Variants in CATSPERD observed in about 807,000 individuals in gnomAD.
The protein encoded by CATSPERD is cation channel sperm-associated auxiliary subunit delta.
In CATSPERD, 86 loss-of-function variants were observed where a neutral mutation model predicts 98.1. The observed-to-expected ratio is 0.88, with a 90% CI of 0.74 to 1.05. The LOEUF is 1.05. CATSPERD is among the 50% of genes least tolerant of loss of function. The pLI is 0.00. For synonymous variants in CATSPERD, 394 were observed against 390.2 expected (o/e 1.01, Z -0.12); for missense variants, 995 against 1,005.7 (o/e 0.99, Z 0.14).
At position 5,748,169 on chromosome 19, in the gene CATSPERD, T is replaced by C; in HGVS notation, c.818T>C (p.Val273Ala). ...LLFSHNAGQLVDTVRVKKGDQ... is the reference protein window; with the variant it reads ...LLFSHNAGQLADTVRVKKGDQ... ...TCCTGTTACCTCCTAGGTCAGCTCG[T>C]CGACACCGTCCGGGTGAAAAAAGGA... The change falls in exon 10 of 22, where the codon GTC (valine) becomes GCC (alanine). Residue 273 changes from valine to alanine, a missense_variant. Physicochemically the swap from Val to Ala is moderately conservative, Grantham distance 64. Coordinates refer to ENST00000381624, the MANE Select transcript of CATSPERD (RefSeq NM_152784.4). 1.2e-6 allele frequency: 2 copies of C among 1,613,896 alleles called. No individual in the cohort carries two copies. The highest frequency in any genetic ancestry group is 1.7e-6 in the Non-Finnish European group (2 of 1,179,916).
chr19:5,754,849 T>TC (rs1175718839), intron 13 of CATSPERD, among the ~76,000 whole-genome samples: 47 of 146,748 alleles, frequency 3.2e-4, no homozygotes, highest in Admixed American at 2.3e-3. Context: ...TTCTTCTTCT[T>TC]TTTTTTTTTT....
chr19:5,752,889 G>A (rs982898584), intron 12 of CATSPERD, among the ~76,000 whole-genome samples: 13 of 151,946 alleles, frequency 8.6e-5, no homozygotes, highest in South Asian at 8.3e-4. Context: ...TTAGATGGGC[G>A]TGCTGGCACA....
At chr19:5,727,910 G>A (rs543127534) in intron 3 of CATSPERD, among the ~76,000 whole-genome samples, 30 of 151,976 alleles carry the variant, frequency 2.0e-4, no homozygotes, top group African/African-American at 7.0e-4. Flanking sequence ...GGGACTGGAG[G>A]CCAGGTGCAG....
chr19:5,754,884 G>A (rs544236547), intron 13 of CATSPERD, among the ~76,000 whole-genome samples: 33 of 138,454 alleles, frequency 2.4e-4, no homozygotes, highest in Non-Finnish European at 4.4e-4. Flanking sequence ...TTGCTCTGTC[G>A]CCCAGGCTGG....
chr19:5,724,848 C>A lies in CATSPERD; in HGVS notation c.112C>A (p.Gln38Lys). 6.2e-7 allele frequency: 1 copy of A among 1,614,044 alleles called. No individual in the cohort carries two copies. The highest frequency in any genetic ancestry group is 8.5e-7 in the Non-Finnish European group (1 of 1,179,906). The change falls in exon 2 of 22, where the codon CAG becomes AAG. Residue 38 changes from glutamine to lysine, a missense_variant. By Grantham distance (53) the Gln-to-Lys change is moderately conservative. Coordinates refer to ENST00000381624, the MANE Select transcript of CATSPERD (RefSeq NM_152784.4). ...GACAGGAAAAGTGTTTAATCTGATACAGGACGTTCAAGGGGTATGTGGCTC... is the reference window on the plus strand; with the variant it reads ...GACAGGAAAAGTGTTTAATCTGATAAAGGACGTTCAAGGGGTATGTGGCTC... Reference protein sequence around the residue: ...VRTGKVFNLIQDVQGDRLYFH... With the variant: ...VRTGKVFNLIKDVQGDRLYFH...
chr19:5,728,084 G>T (rs368883151), intron 3 of CATSPERD, among the ~76,000 whole-genome samples: 1 of 150,576 alleles, frequency 6.6e-6, no homozygotes, highest in East Asian at 2.0e-4. Context: ...GGTGGGCCAG[G>T]CGCAGTGGCT....
chr19:5,763,847 C>CATTTTTT, intron 16 of CATSPERD, among the ~76,000 whole-genome samples: 1 of 62,136 alleles, frequency 1.6e-5, no homozygotes, highest in African/African-American at 5.2e-5. Flanking sequence ...TCTTGAACTC[C>CATTTTTT]TTTTTTTTTT....
At chr19:5,725,365 G>A (rs1036172124) in intron 2 of CATSPERD, among the ~76,000 whole-genome samples, 1 of 152,184 alleles carries the variant, frequency 6.6e-6, no homozygotes, top group South Asian at 2.1e-4. Flanking sequence ...TGCCCAGGCT[G>A]GTCTCGAGCT....
At chr19:5,762,060 T>TA (rs1568367069) in intron 15 of CATSPERD, among the ~76,000 whole-genome samples, 3 of 12,084 alleles carry the variant, frequency 2.5e-4, no homozygotes, top group African/African-American at 9.6e-4. Flanking sequence ...ATATATATAT[T>TA]TTTTTTTTTT....
intron 15 of CATSPERD, among the ~76,000 whole-genome samples, chr19:5,760,348 G>A (rs1195259761): frequency 6.6e-6 from 1 of 150,798 alleles, no homozygotes; most frequent in Non-Finnish European, 1.5e-5. Context: ...TCAGTGAGCC[G>A]AGATTGCGCC....
At chr19:5,771,580 G>GT (rs2056644708) in intron 19 of CATSPERD, among the ~76,000 whole-genome samples, 1 of 149,096 alleles carries the variant, frequency 6.7e-6, no homozygotes. Context: ...CTGTCTTCCT[G>GT]TTCTTTTTTT....
chr19:5,743,309 C>T (rs2056025426), intron 7 of CATSPERD, among the ~76,000 whole-genome samples: 2 of 146,870 alleles, frequency 1.4e-5, no homozygotes, highest in Admixed American at 1.4e-4. Flanking sequence ...GTCTCAAAAA[C>T]AAACAAGGCC....
intron 19 of CATSPERD, among the ~76,000 whole-genome samples, chr19:5,771,582 TC>T (rs1380400373): frequency 6.7e-6 from 1 of 150,216 alleles, no homozygotes; most frequent in African/African-American, 2.5e-5. Context: ...GTCTTCCTGT[TC>T]TTTTTTTTTT....
intron 6 of CATSPERD, among the ~76,000 whole-genome samples, chr19:5,739,049 G>C (rs2055904664): frequency 6.6e-6 from 1 of 151,036 alleles, no homozygotes; most frequent in Non-Finnish European, 1.5e-5. Context: ...TTTTTTAGGA[G>C]AGATGGGGTT....
intron 16 of CATSPERD, 92 bp from the exon 17 acceptor site, chr19:5,766,011 A>C (rs1164570699): frequency 4.3e-6 from 4 of 939,728 alleles, no homozygotes; most frequent in Non-Finnish European, 6.4e-6. Flanking sequence ...TTTCCAAACC[A>C]TTCCCACAGG....
chr19:5,762,058 A>ATATTTTTTTTT, intron 15 of CATSPERD, among the ~76,000 whole-genome samples: 7 of 10,438 alleles, frequency 6.7e-4, no homozygotes, highest in African/African-American at 2.3e-3. Flanking sequence ...ATATATATAT[A>ATATTTTTTTTT]TTTTTTTTTT....
At chr19:5,771,162 C>G (rs575827192) in intron 19 of CATSPERD, 90 bp downstream of exon 19, 1 of 1,335,298 alleles carries the variant, frequency 7.5e-7, no homozygotes, top group Admixed American at 2.3e-5. Flanking sequence ...CCTCCAGGCT[C>G]CCCTAGATCC....
At chr19:5,775,734 A>G (rs2056730883) in intron 20 of CATSPERD, among the ~76,000 whole-genome samples, 1 of 151,826 alleles carries the variant, frequency 6.6e-6, no homozygotes. Flanking sequence ...TTAATTGATT[A>G]CAGGTTCATA....
At chr19:5,760,422 T>C (rs2056412690) in intron 15 of CATSPERD, among the ~76,000 whole-genome samples, 2 of 148,678 alleles carry the variant, frequency 1.3e-5, no homozygotes, top group Admixed American at 1.4e-4. Context: ...AGTAAGGGAA[T>C]CCTGACGCAA....
Sources: allele counts gnomAD v4.1 joint callset (sites outside exome capture counted in the v4.1 genomes callset), GRCh38; gene constraint gnomAD v4.1.1; transcripts MANE v1.5; gene names NCBI Gene and HGNC (gene_info 2026-07-23, HGNC 2026-07-21).